Variants in TAS2R1 observed in about 807,000 individuals in gnomAD.
The protein encoded by TAS2R1 is taste 2 receptor member 1, also known as taste receptor type 2 member 1.
For missense variants in TAS2R1, 370 were observed against 353.4 expected (o/e 1.05, Z -0.38); for synonymous variants, 141 against 134.2 (o/e 1.05, Z -0.35).
chr5:9,885,588 C>T, the TAS2R1 span, among the ~76,000 whole-genome samples: 1 of 152,058 alleles, frequency 6.6e-6, no homozygotes, highest in Non-Finnish European at 1.5e-5. Context: ...TGATATAAGT[C>T]AGGGGGGAAA....
chr5:9,759,830 C>A, the TAS2R1 span, among the ~76,000 whole-genome samples: 2 of 152,290 alleles, frequency 1.3e-5, no homozygotes, highest in East Asian at 1.9e-4. Context: ...AGCTGTGAAC[C>A]AATGTGTAGA....
At chr5:9,652,282 A>G (rs1040077530) in intron 2 of TAS2R1, among the ~76,000 whole-genome samples, 3 of 152,208 alleles carry the variant, frequency 2.0e-5, no homozygotes, top group Non-Finnish European at 4.4e-5. Context: ...AGAGACCTAC[A>G]GTTCTCATGA....
the TAS2R1 span, among the ~76,000 whole-genome samples, chr5:9,754,885 AAAAAC>A: frequency 6.6e-6 from 1 of 152,210 alleles, no homozygotes; most frequent in Admixed American, 6.5e-5. Flanking sequence ...CAGAATTGGA[AAAAAC>A]TACTTTAAAG....
At chr5:9,783,240 A>T in the TAS2R1 span, among the ~76,000 whole-genome samples, 1 of 152,210 alleles carries the variant, frequency 6.6e-6, no homozygotes, top group African/African-American at 2.4e-5. Flanking sequence ...TACTTAAATC[A>T]TCTCACTCAG....
chr5:9,709,188 GAAAAAAA>G (rs535742726), intron 1 of TAS2R1, among the ~76,000 whole-genome samples: 1 of 84,794 alleles, frequency 1.2e-5, no homozygotes, highest in African/African-American at 5.0e-5. Context: ...ACTTAAAGTA[GAAAAAAA>G]AAAAAAAAAG....
At chr5:9,637,593 C>A (rs1290753973) in intron 2 of TAS2R1, among the ~76,000 whole-genome samples, 2 of 152,068 alleles carry the variant, frequency 1.3e-5, no homozygotes, top group Non-Finnish European at 2.9e-5. Context: ...TTAACATAAT[C>A]CCAAATTTCT....
chr5:9,849,248 T>C, the TAS2R1 span, among the ~76,000 whole-genome samples: 3 of 152,222 alleles, frequency 2.0e-5, no homozygotes, highest in Non-Finnish European at 4.4e-5. Flanking sequence ...GGGCCACCCC[T>C]GGTCCACAGA....
the TAS2R1 span, among the ~76,000 whole-genome samples, chr5:9,722,976 C>T: frequency 6.6e-6 from 1 of 152,346 alleles, no homozygotes; most frequent in Non-Finnish European, 1.5e-5. Flanking sequence ...GACAAACACC[C>T]TGCCTCAAAG....
At chr5:9,631,242 CCT>C (rs34570150), upstream of TAS2R1, among the ~76,000 whole-genome samples, 6,598 of 152,060 alleles carry the variant, frequency 0.043, 445 homozygotes, top group African/African-American at 0.15. Context: ...AAAACTAAGT[CCT>C]CTCTCTCTCT....
chr5:9,754,798 C>T, the TAS2R1 span, among the ~76,000 whole-genome samples: 24 of 152,250 alleles, frequency 1.6e-4, no homozygotes, highest in Admixed American at 7.2e-4. Flanking sequence ...GAATTAACAT[C>T]GTGAAAATGG....
chr5:9,704,839 T>G (rs1348922225), intron 1 of TAS2R1, among the ~76,000 whole-genome samples: 1 of 152,212 alleles, frequency 6.6e-6, no homozygotes, highest in East Asian at 1.9e-4. Context: ...TGGTGCAAAC[T>G]TCTTGAAGGA....
the TAS2R1 span, among the ~76,000 whole-genome samples, chr5:9,879,775 C>G: frequency 6.6e-6 from 1 of 152,154 alleles, no homozygotes; most frequent in Non-Finnish European, 1.5e-5. Flanking sequence ...GAGGTACGAT[C>G]AAATTGTATG....
intron 1 of TAS2R1, among the ~76,000 whole-genome samples, chr5:9,665,105 T>C (rs1017397332): frequency 6.6e-6 from 1 of 152,222 alleles, no homozygotes; most frequent in Non-Finnish European, 1.5e-5. Context: ...CATTCTTTTC[T>C]GGAAGATCCA....
chr5:9,633,289 G>GTA (rs1554051801), upstream of TAS2R1, among the ~76,000 whole-genome samples: 19 of 61,532 alleles, frequency 3.1e-4, no homozygotes, highest in African/African-American at 1.2e-3. Context: ...GTGTGTGTGT[G>GTA]TATATTATAT....
chr5:9,834,629 A>G, the TAS2R1 span, among the ~76,000 whole-genome samples: 1 of 152,186 alleles, frequency 6.6e-6, no homozygotes, highest in East Asian at 1.9e-4. Flanking sequence ...TTTCATCTTC[A>G]GACGTTCCCC....
the TAS2R1 span, among the ~76,000 whole-genome samples, chr5:9,867,789 C>T: frequency 6.6e-6 from 1 of 152,350 alleles, no homozygotes; most frequent in South Asian, 2.1e-4. Flanking sequence ...TCCCTTCCAA[C>T]TATGAGCCTG....
At chr5:9,853,831 C>T in the TAS2R1 span, among the ~76,000 whole-genome samples, 5 of 152,120 alleles carry the variant, frequency 3.3e-5, no homozygotes, top group East Asian at 9.6e-4. Flanking sequence ...AGAAAAGGCA[C>T]ATTTGAGAGC....
At chr5:9,744,276 T>C in the TAS2R1 span, among the ~76,000 whole-genome samples, 1 of 152,234 alleles carries the variant, frequency 6.6e-6, no homozygotes, top group African/African-American at 2.4e-5. Context: ...GCCATACTTC[T>C]ACAAGCACTC....
At chr5:9,715,140 G>A (rs532513620), upstream of TAS2R1, among the ~76,000 whole-genome samples, 12 of 152,366 alleles carry the variant, frequency 7.9e-5, no homozygotes, top group East Asian at 1.7e-3. Flanking sequence ...AGCACAGCCA[G>A]TGCACTACAG....
Sources: allele counts gnomAD v4.1 joint callset (sites outside exome capture counted in the v4.1 genomes callset), GRCh38; gene constraint gnomAD v4.1.1; transcripts MANE v1.5; gene names NCBI Gene and HGNC (gene_info 2026-07-23, HGNC 2026-07-21).